The following SLC30A9 variants were observed in gnomAD, a reference collection of about 807,000 sequenced individuals.
SLC30A9 encodes the protein proton-coupled zinc antiporter SLC30A9, mitochondrial.
In SLC30A9, 58 loss-of-function variants were observed where a neutral mutation model predicts 87.5. The observed-to-expected ratio is 0.66, with a 90% CI of 0.54 to 0.82. SLC30A9 has a LOEUF of 0.82. Among genes scored for constraint, SLC30A9 ranks in the 40% least tolerant of loss-of-function variants. SLC30A9 has a pLI of 0.00. For missense variants in SLC30A9, 557 were observed against 679.1 expected, an observed-to-expected ratio of 0.82 and a Z score of 2.00; for synonymous variants, 234 against 233.0, an observed-to-expected ratio of 1.00 and a Z score of -0.04.
rs367803288 is a variant in SLC30A9 at position 42,066,561 on chromosome 4, G to A, written c.1084G>A (p.Val362Ile). ...TGCTTTTCTTTTAGCAACACTTCTT[G>A]TTGCTGTAAATGAACTTCGTAGGAA... ...SLVSEGATLL[V>I]AVNELRRNAR... Residue 362 changes from valine (V) to isoleucine (I), a missense_variant, in exon 13 of 18, where the codon GTT (valine) becomes ATT (isoleucine). By Grantham distance (29) the Val-to-Ile change is conservative. This residue lies in a region of SLC30A9 where 467 missense variants were observed against 529.8 expected (regional missense o/e 0.88). Coordinates refer to ENST00000264451, the MANE Select transcript of SLC30A9 (RefSeq NM_006345.4). The A allele has an allele frequency of 1.2e-6, 2 of 1,602,554 alleles. No homozygotes were observed. The highest frequency in any genetic ancestry group is 1.7e-6 in the Non-Finnish European group (2 of 1,172,942).
chr4:42,027,395 C>T (rs576796573), intron 6 of SLC30A9, among the ~76,000 whole-genome samples: 1 of 152,174 alleles, frequency 6.6e-6, no homozygotes, highest in East Asian at 1.9e-4. Flanking sequence ...TGCACTGCTA[C>T]TCAGTTACAA....
In SLC30A9 at chr4:42,086,220, A is replaced by G; in HGVS notation, c.*94A>G. The G allele has an allele frequency of 1.5e-6, 1 of 664,708 alleles. No individual in the cohort carries two copies. Among genetic ancestry groups the G allele is most frequent in the Non-Finnish European group, 2.5e-6 (1 of 402,018 alleles). The allele number at this position is 664,708 out of a possible 1,614,324, so 41.2% of individuals were successfully genotyped here. A position where few individuals can be genotyped will look rare whatever the true frequency, so the allele number is the denominator to read the frequency against. Reference sequence around the variant, plus strand: ...CCTCCTCTCCTACACTGAAAGACTCAGTGCCATGCAGAAGCCTTTTTTTTA... The same window carrying G: ...CCTCCTCTCCTACACTGAAAGACTCGGTGCCATGCAGAAGCCTTTTTTTTA... On this transcript the variant is annotated 3_prime_UTR_variant, in exon 18 of 18. Coordinates refer to ENST00000264451, the MANE Select transcript of SLC30A9 (RefSeq NM_006345.4).
At chr4:41,997,195 C>G (rs1714758324) in intron 1 of SLC30A9, among the ~76,000 whole-genome samples, 1 of 151,258 alleles carries the variant, frequency 6.6e-6, no homozygotes, top group South Asian at 2.1e-4. Flanking sequence ...TTACTCTGCT[C>G]TGGCGAAAAG....
chr4:42,009,001 G>A (rs969019485), intron 2 of SLC30A9, among the ~76,000 whole-genome samples: 1 of 152,150 alleles, frequency 6.6e-6, no homozygotes, highest in Non-Finnish European at 1.5e-5. Context: ...ATGTTTATTA[G>A]AACACAGTTA....
intron 10 of SLC30A9, among the ~76,000 whole-genome samples, chr4:42,062,369 A>G (rs1464632690): frequency 6.6e-6 from 1 of 152,148 alleles, no homozygotes; most frequent in African/African-American, 2.4e-5. Context: ...TTGTGTCAGT[A>G]CTAACAATAA....
intron 2 of SLC30A9, among the ~76,000 whole-genome samples, chr4:42,012,217 G>A (rs144815301): frequency 6.6e-6 from 1 of 152,082 alleles, no homozygotes; most frequent in African/African-American, 2.4e-5. Context: ...CTTAAAAGCT[G>A]ACAAAGAGAA....
intron 2 of SLC30A9, among the ~76,000 whole-genome samples, chr4:42,004,430 A>G (rs1056858494): frequency 1.3e-5 from 2 of 151,974 alleles, no homozygotes; most frequent in Admixed American, 1.3e-4. Flanking sequence ...TTTCTGTATT[A>G]TCTCCTTCTG....
At chr4:42,003,013 A>G (rs373384301) in intron 2 of SLC30A9, among the ~76,000 whole-genome samples, 2 of 152,148 alleles carry the variant, frequency 1.3e-5, no homozygotes, top group East Asian at 3.8e-4. Flanking sequence ...TTAAGCCATG[A>G]TAACACATCC....
In SLC30A9 at chr4:42,089,464, G is replaced by C. The variant is rs907630562; in HGVS notation, c.*3338G>C. ...TTTGAGACAGAGTTTCGTTCTTGTT[G>C]CCCAGGCTGGAGTGCACTGGCACAA... On this transcript the variant is annotated 3_prime_UTR_variant, in exon 18 of 18. Coordinates refer to ENST00000264451, the MANE Select transcript of SLC30A9 (RefSeq NM_006345.4). The C allele has an allele frequency of 6.6e-6, 1 of 151,526 alleles. No homozygotes were observed. The highest frequency in any genetic ancestry group is 1.9e-4 in the East Asian group (1 of 5,158). 9.4% of individuals were successfully genotyped at this position (151,526 alleles called of 1,614,324 possible).
chr4:42,031,320 A>G (rs768741317), intron 6 of SLC30A9, among the ~76,000 whole-genome samples: 4 of 152,050 alleles, frequency 2.6e-5, no homozygotes, highest in Admixed American at 2.6e-4. Flanking sequence ...AGCCCAACCT[A>G]TAGTTCCAGA....
intron 15 of SLC30A9, among the ~76,000 whole-genome samples, chr4:42,071,954 T>G (rs1341586829): frequency 1.4e-5 from 2 of 147,372 alleles, no homozygotes; most frequent in East Asian, 4.2e-4. Flanking sequence ...GATTAGTAAT[T>G]ATATCTCTTG....
Position 42,018,111 on chromosome 4 carries a change from C to T in SLC30A9, c.275C>T (p.Ala92Val), listed in dbSNP as rs1239677693. 1.3e-6 allele frequency: 2 copies of T among 1,523,014 alleles called. No individual in the cohort carries two copies. Among genetic ancestry groups the T allele is most frequent in the African/African-American group, 1.4e-5 (1 of 72,820 alleles). The allele number at this position is 1,523,014 out of a possible 1,614,324, so 94.3% of individuals were successfully genotyped here. A position where few individuals can be genotyped will look rare whatever the true frequency, so the allele number is the denominator to read the frequency against. Residue 92 changes from alanine to valine, a missense_variant and splice_region_variant, in exon 3 of 18, where the codon GCA becomes GTA. By Grantham distance (64) the Ala-to-Val change is moderately conservative. This residue lies in a region of SLC30A9 where 467 missense variants were observed against 529.8 expected (regional missense o/e 0.88). Coordinates refer to ENST00000264451, the MANE Select transcript of SLC30A9 (RefSeq NM_006345.4). ...AAACTTCTTTTAATAAACTTTACAG[C>T]AGAAGGTATAGGCACAGAACTCAAA... ...RVEKVPSFET[A>V]EGIGTELKAP...
Position 42,015,367 on chromosome 4 carries a change from G to A in SLC30A9, c.275-2744G>A, listed in dbSNP as rs115802343. Among the ~76,000 whole-genome samples, 622 of 152,042 alleles carry A rather than the reference G, an allele frequency of 4.1e-3. 1 individual carries two copies. Among genetic ancestry groups the A allele is most frequent in the Non-Finnish European group, 6.3e-3 (425 of 67,974 alleles). On this transcript the variant is annotated intron_variant, in intron 2 of 17. Coordinates refer to ENST00000264451, the MANE Select transcript of SLC30A9 (RefSeq NM_006345.4). Reference sequence around the variant, plus strand: ...CTTTTTCAATCTAAGAGATGGAGACGGCAGGAAAAGCGAAATAAAAATAAA... The same window carrying A: ...CTTTTTCAATCTAAGAGATGGAGACAGCAGGAAAAGCGAAATAAAAATAAA...
At chr4:42,080,673 C>T (rs1718715375) in intron 17 of SLC30A9, among the ~76,000 whole-genome samples, 1 of 152,144 alleles carries the variant, frequency 6.6e-6, no homozygotes, top group African/African-American at 2.4e-5. Flanking sequence ...AAAGTTAATG[C>T]CCCCAGATAA....
At chr4:42,033,258 C>G (rs1339119604) in intron 6 of SLC30A9, among the ~76,000 whole-genome samples, 2 of 151,958 alleles carry the variant, frequency 1.3e-5, no homozygotes, top group Non-Finnish European at 2.9e-5. Context: ...ACTCTAGCTT[C>G]CATCTCTGTC....
chr4:42,049,633 T>G (rs553772508), intron 9 of SLC30A9, among the ~76,000 whole-genome samples, 154 bp downstream of exon 9: 2 of 152,284 alleles, frequency 1.3e-5, no homozygotes, highest in South Asian at 2.1e-4. Context: ...GCATAGAAAT[T>G]TAATCATAGT....
chr4:42,059,749 A>G lies in SLC30A9; in HGVS notation c.841-442A>G, dbSNP rs181018178. Among the ~76,000 whole-genome samples, 156 of 97,158 alleles carry G rather than the reference A, an allele frequency of 1.6e-3. 1 individual carries two copies. The highest frequency in any genetic ancestry group is 3.9e-3 in the African/African-American group (151 of 38,698). 63.7% of individuals were successfully genotyped at this position (97,158 alleles called of 152,430 possible). On this transcript the variant is annotated intron_variant, in intron 9 of 17. Coordinates refer to ENST00000264451, the MANE Select transcript of SLC30A9 (RefSeq NM_006345.4). Reference sequence around the variant, plus strand: ...TTAAACCTTTTCTGTGCTTTACATTATATGTAGTTTATAAAACTACAAAGC... The same window carrying G: ...TTAAACCTTTTCTGTGCTTTACATTGTATGTAGTTTATAAAACTACAAAGC...
At position 42,086,135 on chromosome 4, in the gene SLC30A9, G is replaced by T. The variant is rs1718917117; in HGVS notation, c.*9G>T. ...ATTTGGAGATACTGTGAGTTTGATG[G>T]AATGAATCACCTGGGTGGGGACCTT... is the stretch of plus-strand genomic sequence containing the variant. On this transcript the variant is annotated 3_prime_UTR_variant, in exon 18 of 18. Transcript: ENST00000264451. 6.7e-7 allele frequency: 1 copy of T among 1,502,414 alleles called. No individual in the cohort carries two copies. 93.1% of individuals were successfully genotyped at this position (1,502,414 alleles called of 1,614,324 possible).
At chr4:42,027,111 C>T (rs1259026910) in intron 6 of SLC30A9, among the ~76,000 whole-genome samples, 1 of 152,006 alleles carries the variant, frequency 6.6e-6, no homozygotes, top group East Asian at 1.9e-4. Context: ...TAACTATGGC[C>T]CGTGGAACAA....
Sources: allele counts gnomAD v4.1 joint callset (sites outside exome capture counted in the v4.1 genomes callset), GRCh38; gene constraint gnomAD v4.1.1; regional missense constraint gnomAD v4.1.1; transcripts MANE v1.5; gene names NCBI Gene and HGNC (gene_info 2026-07-23, HGNC 2026-07-21).